The following PRR16 variants were observed in gnomAD, a reference collection of about 807,000 sequenced individuals.
The protein encoded by PRR16 is protein Largen.
PRR16 carries 6 observed loss-of-function variants against 18.2 expected under a neutral mutation model. The ratio of observed to expected loss-of-function variants is 0.33; its 90% CI spans 0.18 to 0.65. The LOEUF is 0.65. Among genes scored for constraint, PRR16 ranks in the 30% least tolerant of loss-of-function variants. PRR16 has a pLI of 0.74. For synonymous variants in PRR16, 151 were observed against 147.8 expected (o/e 1.02, Z -0.16); for missense variants, 412 against 376.6 (o/e 1.09, Z -0.78).
Position 120,464,334 on chromosome 5 carries a change from C to T in PRR16, c.-153C>T. 1.3e-6 allele frequency: 1 copy of T among 796,728 alleles called. No homozygotes were observed. The highest frequency in any genetic ancestry group is 1.8e-5 in the African/African-American group (1 of 54,284). The allele number at this position is 796,728 out of a possible 1,614,324, so 49.4% of individuals were successfully genotyped here. On this transcript the variant is annotated 5_prime_UTR_variant, in exon 1 of 2. Transcript: ENST00000407149. ...CAGCACCACTGTGCGGCCGCCCGGC[C>T]GAGCGCGGAGCGCAGCCACTCGCCG...
chr5:120,751,174 G>T, the PRR16 span, among the ~76,000 whole-genome samples: 14 of 151,970 alleles, frequency 9.2e-5, no homozygotes, highest in Admixed American at 6.6e-4. Context: ...CCACTTTTCC[G>T]TATTCATTCA....
chr5:120,576,566 G>A (rs538294802), intron 1 of PRR16, among the ~76,000 whole-genome samples: 1 of 152,274 alleles, frequency 6.6e-6, no homozygotes, highest in Admixed American at 6.5e-5. Flanking sequence ...TCTGCTGGCG[G>A]AAATGTAAAT....
rs1580853344 is a variant in PRR16 at position 120,666,001 on chromosome 5, ATTGGTAGCTTG to A, written c.160-19952_160-19942del. Among the ~76,000 whole-genome samples the A allele has an allele frequency of 2.0e-5, 3 of 152,172 alleles. No homozygotes were observed. The East Asian group carries it at 5.8e-4, about 30-fold the overall frequency. On this transcript the variant is annotated intron_variant, in intron 1 of 1. Coordinates refer to ENST00000407149, the MANE Select transcript of PRR16 (RefSeq NM_001300783.2). The stretch of plus-strand genomic sequence containing the variant: ...TTTTTCCAATTCTGTGAAGAAAGTC[ATTGGTAGCTTG>A]ATGGGGATGGCATTGAATCTATAAA...
chr5:120,670,931 T>G (rs1756579476), intron 1 of PRR16, among the ~76,000 whole-genome samples: 1 of 152,196 alleles, frequency 6.6e-6, no homozygotes, highest in Non-Finnish European at 1.5e-5. Flanking sequence ...ATGACACTTT[T>G]CTGTTTCAAC....
At chr5:120,509,538 A>G (rs1038608234) in intron 1 of PRR16, among the ~76,000 whole-genome samples, 3 of 152,076 alleles carry the variant, frequency 2.0e-5, no homozygotes, top group African/African-American at 7.2e-5. Flanking sequence ...TTATCTATCC[A>G]TTGCCAGTTC....
At chr5:120,514,108 C>T (rs1047837161) in intron 1 of PRR16, among the ~76,000 whole-genome samples, 1 of 152,110 alleles carries the variant, frequency 6.6e-6, no homozygotes, top group Admixed American at 6.6e-5. Flanking sequence ...TCGTGTTTCA[C>T]ATATATTAGG....
the PRR16 span, among the ~76,000 whole-genome samples, chr5:120,773,802 A>G: frequency 1.3e-5 from 2 of 152,154 alleles, no homozygotes; most frequent in African/African-American, 2.4e-5. Flanking sequence ...ACTGAAAAAT[A>G]TGAAGTACAA....
At chr5:120,692,849 A>G in the PRR16 span, among the ~76,000 whole-genome samples, 4 of 152,190 alleles carry the variant, frequency 2.6e-5, no homozygotes, top group East Asian at 1.9e-4. Context: ...GAGTTTTATT[A>G]CAACTTTTAA....
rs140634516 is a variant in PRR16, at chr5:120,545,480, A to C, written c.159+80835A>C. Among the ~76,000 whole-genome samples the C allele has an allele frequency of 3.5e-4, 53 of 152,142 alleles. No homozygotes were observed. The East Asian group carries it at 0.01, about 29-fold the overall frequency. On this transcript the variant is annotated intron_variant, in intron 1 of 1. Transcript: ENST00000407149. ...ATAATGTCACAAAGAAGTCTGAAAA[A>C]GCTCACCTTATACTTTTTATTCTTC...
the PRR16 span, chr5:120,790,233 A>G: frequency 6.6e-6 from 1 of 152,128 alleles, no homozygotes; most frequent in Non-Finnish European, 1.5e-5. Context: ...ATGAAGATAA[A>G]ATAAATAAAT....
chr5:120,664,808 A>C, intron 1 of PRR16, among the ~76,000 whole-genome samples: 1 of 142,000 alleles, frequency 7.0e-6, no homozygotes. Context: ...ATGGCTGCAT[A>C]GTATTCCGTG....
At chr5:120,664,682 A>C (rs1220446823) in intron 1 of PRR16, among the ~76,000 whole-genome samples, 1 of 151,696 alleles carries the variant, frequency 6.6e-6, no homozygotes, top group Non-Finnish European at 1.5e-5. Context: ...TGTTCAATTC[A>C]CGTCTATGAG....
intron 1 of PRR16, among the ~76,000 whole-genome samples, chr5:120,670,056 T>C (rs764471994): frequency 6.6e-6 from 1 of 152,164 alleles, no homozygotes; most frequent in Non-Finnish European, 1.5e-5. Context: ...TGATGCACTG[T>C]AGGTGATGTA....
intron 1 of PRR16, among the ~76,000 whole-genome samples, chr5:120,631,004 A>G (rs1755033759): frequency 6.6e-6 from 1 of 152,318 alleles, no homozygotes; most frequent in East Asian, 1.9e-4. Context: ...GAGGACCAAT[A>G]TCACCCATAA....
Position 120,556,242 on chromosome 5 carries a change from T to TG in PRR16, c.159+91597_159+91598insG, listed in dbSNP as rs1561544474. Among the ~76,000 whole-genome samples, 7 of 150,034 alleles carry TG rather than the reference T, an allele frequency of 4.7e-5. No individual in the cohort carries two copies. In the South Asian group the frequency reaches 1.5e-3, roughly 32 times the overall value. ...CAGGGTCAATTTCATTGTTTTTTTT[T>TG]TTTTTTTTTTGTACCATGCTATCCA... On this transcript the variant is annotated intron_variant, in intron 1 of 1. Transcript: ENST00000407149.
At chr5:120,692,984 A>C in the PRR16 span, among the ~76,000 whole-genome samples, 2 of 152,336 alleles carry the variant, frequency 1.3e-5, no homozygotes, top group East Asian at 3.9e-4. Context: ...AATTATAATT[A>C]AGTTCCTAAA....
At chr5:120,704,838 T>C in the PRR16 span, among the ~76,000 whole-genome samples, 1 of 152,190 alleles carries the variant, frequency 6.6e-6, no homozygotes, top group African/African-American at 2.4e-5. Context: ...AGTCAGTACT[T>C]ATGAAGCCTA....
At chr5:120,770,495 CT>C in the PRR16 span, among the ~76,000 whole-genome samples, 1 of 151,972 alleles carries the variant, frequency 6.6e-6, no homozygotes, top group East Asian at 1.9e-4. Flanking sequence ...AAGGGAAAAG[CT>C]TTTTGACATT....
intron 1 of PRR16, among the ~76,000 whole-genome samples, chr5:120,604,940 C>T (rs1754106208): frequency 6.6e-6 from 1 of 152,108 alleles, no homozygotes; most frequent in South Asian, 2.1e-4. Flanking sequence ...TATAACCTGT[C>T]CCTTCTCTGT....
Sources: gnomAD v4.1 joint callset for allele counts (sites outside exome capture counted in the v4.1 genomes callset) on GRCh38, gnomAD v4.1.1 for gene constraint, MANE v1.5 for transcripts, NCBI Gene and HGNC (gene_info 2026-07-23, HGNC 2026-07-21) for gene names.